The following NMNAT1 variants were observed in gnomAD, a reference collection of about 807,000 sequenced individuals.
NMNAT1 encodes nicotinamide/nicotinic acid mononucleotide adenylyltransferase 1.
In NMNAT1, 11 loss-of-function variants were observed where a neutral mutation model predicts 16.7. That is an observed-to-expected ratio of 0.66 (90% confidence interval 0.41 to 1.09). The LOEUF (loss-of-function observed/expected upper bound fraction) is 1.09. Among genes scored for constraint, NMNAT1 ranks in the 50% least tolerant of loss-of-function variants. NMNAT1 has a pLI of 0.00. For synonymous variants in NMNAT1, 110 were observed against 119.8 expected, an observed-to-expected ratio of 0.92 and a Z score of 0.53; for missense variants, 280 against 332.3, an observed-to-expected ratio of 0.84 and a Z score of 1.22.
At chr1:9,973,960 C>T (rs1570706676) in intron 2 of NMNAT1, among the ~76,000 whole-genome samples, 3 of 151,882 alleles carry the variant, frequency 2.0e-5, no homozygotes, top group African/African-American at 7.2e-5. Context: ...GCCTCAGCCT[C>T]CCCTGTAACT....
intron 2 of NMNAT1, among the ~76,000 whole-genome samples, chr1:9,973,707 CAAAAAAAAAAAAAA>C (rs1053350657): frequency 1.9e-4 from 4 of 21,608 alleles, no homozygotes; most frequent in Non-Finnish European, 3.6e-4. Context: ...GACTCCATCT[CAAAAAAAAAAAAAA>C]AAAAAAAAAA....
In NMNAT1 at chr1:9,983,187, C is replaced by G. The variant is rs1219746583; in HGVS notation, c.*486C>G. ...TTTATTTGTTTTTGAGATGGAGTCT[C>G]TACTAAAAATACAAAAAATTAGCCA... On this transcript the variant is annotated 3_prime_UTR_variant, in exon 5 of 5. Transcript: ENST00000377205. 6.6e-6 allele frequency: 1 copy of G among 152,166 alleles called. No homozygotes were observed. Among genetic ancestry groups the G allele is most frequent in the South Asian group, 2.1e-4 (1 of 4,848 alleles). The allele number at this position is 152,166 out of a possible 1,614,324, so 9.4% of individuals were successfully genotyped here.
At chr1:9,946,412 A>G (rs2101632128) in intron 1 of NMNAT1, among the ~76,000 whole-genome samples, 1 of 152,308 alleles carries the variant, frequency 6.6e-6, no homozygotes, top group Admixed American at 6.5e-5. Flanking sequence ...GGGAAACCAG[A>G]TAAATGCTCC....
At chr1:9,979,529 A>G (rs1031502385) in intron 3 of NMNAT1, among the ~76,000 whole-genome samples, 1 of 151,976 alleles carries the variant, frequency 6.6e-6, no homozygotes, top group African/African-American at 2.4e-5. Context: ...GGCTGGGCGC[A>G]GTGGCTCACG....
At chr1:9,991,792 T>A in the NMNAT1 span, among the ~76,000 whole-genome samples, 1 of 152,076 alleles carries the variant, frequency 6.6e-6, no homozygotes, top group Non-Finnish European at 1.5e-5. Context: ...AGTAAGTGTG[T>A]ATTAGGAGCA....
chr1:9,990,302 C>A (rs1642094091), downstream of NMNAT1, among the ~76,000 whole-genome samples: 1 of 152,156 alleles, frequency 6.6e-6, no homozygotes, highest in Non-Finnish European at 1.5e-5. Context: ...CTCTACACTT[C>A]CAGTCACAGT....
intron 4 of NMNAT1, 69 bp from the exon 5 acceptor site, chr1:9,982,232 C>A (rs1428359830): frequency 2.0e-6 from 3 of 1,512,606 alleles, no homozygotes; most frequent in Non-Finnish European, 1.8e-6. Flanking sequence ...AAAAGTAAAC[C>A]CCTTTCCACT....
In NMNAT1 at chr1:9,982,704, A is replaced by C; in HGVS notation, c.*3A>C. ...ACACTGCAGAAGCTAAGACATAGGA[A>C]TTCTACAGCATGATATTTCAGACTT... On this transcript the variant is annotated 3_prime_UTR_variant, in exon 5 of 5. Coordinates refer to ENST00000377205, the MANE Select transcript of NMNAT1 (RefSeq NM_022787.4). 6.3e-7 allele frequency: 1 copy of C among 1,583,954 alleles called. No individual in the cohort carries two copies. Among genetic ancestry groups the C allele is most frequent in the Non-Finnish European group, 8.6e-7 (1 of 1,165,048 alleles).
upstream of NMNAT1, chr1:9,942,957 G>A (rs1016519200): frequency 2.3e-5 from 8 of 352,366 alleles, no homozygotes; most frequent in African/African-American, 4.3e-5. Flanking sequence ...GGCCGAGAGG[G>A]TCTTTGAGGA....
rs186029335 is a variant in NMNAT1 at position 9,953,840 on chromosome 1, C to G, written c.-57+10325C>G. Among the ~76,000 whole-genome samples the G allele has an allele frequency of 1.1e-4, 13 of 117,110 alleles. 1 individual carries two copies. The highest frequency in any genetic ancestry group is 3.4e-4 in the African/African-American group (10 of 29,708). 76.8% of individuals were successfully genotyped at this position (117,110 alleles called of 152,430 possible). A position where few individuals can be genotyped will look rare whatever the true frequency, so the allele number is the denominator to read the frequency against. On this transcript the variant is annotated intron_variant, in intron 1 of 4. Coordinates refer to ENST00000377205, the MANE Select transcript of NMNAT1 (RefSeq NM_022787.4). ...TTTTTTTTTGAGACAGAGTCTTGCT[C>G]TCTTGCCCAGGCTGGAGTGCAGTGG...
chr1:9,977,712 C>T (rs1426911795), intron 3 of NMNAT1, among the ~76,000 whole-genome samples: 3 of 151,652 alleles, frequency 2.0e-5, no homozygotes, highest in Non-Finnish European at 2.9e-5. Context: ...ACTAAAAATA[C>T]AAAATTAGCT....
In NMNAT1 at chr1:9,983,313, C is replaced by T. The variant is rs1195358342; in HGVS notation, c.*612C>T. On this transcript the variant is annotated 3_prime_UTR_variant, in exon 5 of 5. Transcript: ENST00000377205. ...CAGGTTCCAGTGAGCCAAGGTTGTGCCACTGCACTCCAGCCTGGGCAAAAA... is the reference window on the plus strand; with the variant it reads ...CAGGTTCCAGTGAGCCAAGGTTGTGTCACTGCACTCCAGCCTGGGCAAAAA... 7 of 150,578 alleles carry T rather than the reference C, an allele frequency of 4.6e-5. No homozygotes were observed. Among genetic ancestry groups the T allele is most frequent in the Non-Finnish European group, 1.0e-4 (7 of 67,850 alleles). The allele number at this position is 150,578 out of a possible 1,614,324, so 9.3% of individuals were successfully genotyped here.
chr1:9,970,124 T>G (rs1415646837), intron 1 of NMNAT1, among the ~76,000 whole-genome samples: 1 of 152,104 alleles, frequency 6.6e-6, no homozygotes, highest in Non-Finnish European at 1.5e-5. Flanking sequence ...ATAAACTATA[T>G]TGGGCAGTTT....
intron 3 of NMNAT1, 45 bp downstream of exon 3, chr1:9,975,820 A>G (rs764438949): frequency 2.1e-6 from 3 of 1,456,070 alleles, no homozygotes; most frequent in Non-Finnish European, 1.9e-6. Flanking sequence ...GTAAATGGCT[A>G]AGCGGCTTAT....
the NMNAT1 span, among the ~76,000 whole-genome samples, chr1:9,994,101 CTTTTTTTTTTTTT>C: frequency 0.62 from 67,078 of 107,764 alleles, 19,610 homozygotes; most frequent in Non-Finnish European, 0.7. Flanking sequence ...CAAATGTTAG[CTTTTTTTTTTTTT>C]TTTTTTTTTT....
chr1:9,987,037 AAAT>A (rs576279888), downstream of NMNAT1, among the ~76,000 whole-genome samples: 8 of 151,824 alleles, frequency 5.3e-5, no homozygotes, highest in Admixed American at 2.0e-4. Context: ...TCTCTACTAA[AAAT>A]ACAAAAAATT....
chr1:9,950,914 C>A (rs1269726307), intron 1 of NMNAT1, among the ~76,000 whole-genome samples: 1 of 151,934 alleles, frequency 6.6e-6, no homozygotes, highest in Non-Finnish European at 1.5e-5. Flanking sequence ...CATGGCGAAA[C>A]CCCATCTCTA....
chr1:9,967,316 C>T (rs565271303), intron 1 of NMNAT1: 42 of 154,128 alleles, frequency 2.7e-4, no homozygotes, highest in African/African-American at 8.9e-4. Flanking sequence ...ATAACAACAT[C>T]GTCGAACTTA....
chr1:9,996,612 A>T, the NMNAT1 span, among the ~76,000 whole-genome samples: 3 of 152,066 alleles, frequency 2.0e-5, no homozygotes, highest in Non-Finnish European at 4.4e-5. Flanking sequence ...AACTATCCAG[A>T]CTTATAGGAG....
Sources: allele counts gnomAD v4.1 joint callset (sites outside exome capture counted in the v4.1 genomes callset), GRCh38; gene constraint gnomAD v4.1.1; transcripts MANE v1.5; gene names NCBI Gene and HGNC (gene_info 2026-07-23, HGNC 2026-07-21).